The following NRXN3 variants were observed in gnomAD, a reference collection of about 807,000 sequenced individuals.
NRXN3 encodes neurexin III.
Under a neutral mutation model 137.6 loss-of-function variants are expected in NRXN3, and 32 were observed. The observed-to-expected ratio is 0.23, with a 90% CI of 0.18 to 0.31. The LOEUF (loss-of-function observed/expected upper bound fraction) is 0.31, where lower values mean the gene tolerates loss of function less well. Among genes scored for constraint, NRXN3 ranks in the 10% least tolerant of loss-of-function variants. NRXN3 has a pLI of 1.00. For synonymous variants in NRXN3, 798 were observed against 784.5 expected, an observed-to-expected ratio of 1.02 and a Z score of -0.29; for missense variants, 1,574 against 2,062.5, an observed-to-expected ratio of 0.76 and a Z score of 4.59.
At chr14:79,599,548 G>A (rs2153832512) in intron 16 of NRXN3, among the ~76,000 whole-genome samples, 1 of 152,294 alleles carries the variant, frequency 6.6e-6, no homozygotes, top group South Asian at 2.1e-4. Context: ...TTGTATGCAA[G>A]ACTGAGTTGA....
intron 4 of NRXN3, among the ~76,000 whole-genome samples, chr14:78,582,217 CAG>C: frequency 6.6e-6 from 1 of 152,312 alleles, no homozygotes; most frequent in Non-Finnish European, 1.5e-5. Flanking sequence ...ATTCAAGCAG[CAG>C]TCAGTCAGCT....
chr14:78,277,148 A>G (rs531656624), intron 2 of NRXN3, among the ~76,000 whole-genome samples: 1 of 152,340 alleles, frequency 6.6e-6, no homozygotes, highest in African/African-American at 2.4e-5. Flanking sequence ...TCTGGGGCAC[A>G]GCTTAGTTGG....
Position 78,697,657 on chromosome 14 carries a change from A to C in NRXN3, c.1222-11560A>C, listed in dbSNP as rs188413581. The stretch of plus-strand genomic sequence containing the variant: ...TACCATCACCTTGAAAGGGAGTCCC[A>C]AGAAAGGAGGGGACCTTTTGTTGCA... On this transcript the variant is annotated intron_variant, in intron 6 of 20. Transcript: ENST00000335750. Among the ~76,000 whole-genome samples, 131 of 152,152 alleles carry C rather than the reference A, an allele frequency of 8.6e-4. 3 individuals carry two copies. Among genetic ancestry groups the C allele is most frequent in the African/African-American group, 2.9e-3 (121 of 41,492 alleles).
chr14:78,659,714 CAAA>C (rs202186566), intron 6 of NRXN3, among the ~76,000 whole-genome samples: 23 of 104,172 alleles, frequency 2.2e-4, no homozygotes, highest in African/African-American at 3.3e-4. Context: ...TGTGTGAGGA[CAAA>C]AAAAAAAAAA....
chr14:78,987,090 C>T (rs138344661), intron 14 of NRXN3, among the ~76,000 whole-genome samples: 213 of 149,572 alleles, frequency 1.4e-3, no homozygotes, highest in Admixed American at 2.3e-3. Flanking sequence ...TGTAGTGCAA[C>T]GGCTTTCAAA....
At chr14:78,576,067 A>G (rs147307002) in intron 4 of NRXN3, among the ~76,000 whole-genome samples, 2 of 152,356 alleles carry the variant, frequency 1.3e-5, no homozygotes, top group African/African-American at 4.8e-5. Flanking sequence ...TCAATTTGGC[A>G]TGAGGATGGT....
intron 4 of NRXN3, among the ~76,000 whole-genome samples, chr14:78,415,832 G>A (rs2093105568): frequency 6.6e-6 from 1 of 151,972 alleles, no homozygotes; most frequent in South Asian, 2.1e-4. Flanking sequence ...CATGCACCAA[G>A]GAAGGCCATG....
intron 16 of NRXN3, among the ~76,000 whole-genome samples, chr14:79,524,214 G>A (rs879883480): frequency 6.6e-6 from 1 of 152,130 alleles, no homozygotes; most frequent in Non-Finnish European, 1.5e-5. Context: ...GTTTGCAATG[G>A]AAGAAGGAAC....
At chr14:79,452,820 A>T (rs1463293283) in intron 15 of NRXN3, among the ~76,000 whole-genome samples, 1 of 151,630 alleles carries the variant, frequency 6.6e-6, no homozygotes, top group Non-Finnish European at 1.5e-5. Context: ...AGGAAGAAAA[A>T]CAAAGTATAA....
At chr14:79,251,452 C>A (rs748980478) in intron 15 of NRXN3, among the ~76,000 whole-genome samples, 2 of 152,012 alleles carry the variant, frequency 1.3e-5, no homozygotes, top group Admixed American at 6.6e-5. Flanking sequence ...ATTATGATGT[C>A]ATTAACTACA....
chr14:79,509,591 ATATATGTG>A (rs1287233051), intron 16 of NRXN3, among the ~76,000 whole-genome samples: 1 of 151,332 alleles, frequency 6.6e-6, no homozygotes, highest in East Asian at 1.9e-4. Context: ...GTATATATGT[ATATATGTG>A]TATATATGTA....
At chr14:78,889,133 G>T (rs1349716742) in intron 10 of NRXN3, among the ~76,000 whole-genome samples, 2 of 151,874 alleles carry the variant, frequency 1.3e-5, no homozygotes, top group Non-Finnish European at 1.5e-5. Flanking sequence ...TAGTTTAATT[G>T]TTGTCACTTT....
At chr14:78,560,326 C>T (rs1311415011) in intron 4 of NRXN3, among the ~76,000 whole-genome samples, 1 of 152,114 alleles carries the variant, frequency 6.6e-6, no homozygotes, top group African/African-American at 2.4e-5. Flanking sequence ...ACTCATTGTC[C>T]TCTTCAGTAA....
chr14:79,666,025 A>C (rs1182083319), intron 17 of NRXN3, among the ~76,000 whole-genome samples: 2 of 152,102 alleles, frequency 1.3e-5, no homozygotes, highest in East Asian at 3.9e-4. Flanking sequence ...ATCACCTGTG[A>C]GTCTAAAGAC....
rs1221724871 is a variant in NRXN3 at position 78,243,944 on chromosome 14, G to T, written c.709+142G>T. ...GGCCCCTTGCCCTAAGGAGGCAGTGGAAATCCTTTGCCTACTCTTAATGGA... is the reference window on the plus strand; with the variant it reads ...GGCCCCTTGCCCTAAGGAGGCAGTGTAAATCCTTTGCCTACTCTTAATGGA... On this transcript the variant is annotated intron_variant, in intron 2 of 20. Transcript: ENST00000335750. The surrounding 1 kb of genome is among the most constrained non-coding windows in gnomAD (Gnocchi z 4.2). 1.5e-6 allele frequency: 1 copy of T among 647,980 alleles called. No individual in the cohort carries two copies. The highest frequency in any genetic ancestry group is 1.8e-5 in the African/African-American group (1 of 54,826). 40.1% of individuals were successfully genotyped at this position (647,980 alleles called of 1,614,324 possible). A position where few individuals can be genotyped will look rare whatever the true frequency, so the allele number is the denominator to read the frequency against.
intron 16 of NRXN3, among the ~76,000 whole-genome samples, chr14:79,613,837 A>G (rs181648983): frequency 1.3e-5 from 2 of 152,220 alleles, no homozygotes; most frequent in African/African-American, 4.8e-5. Context: ...CAGGAAACAC[A>G]CTAAACCACG....
chr14:79,130,475 ATTCTT>A (rs1302053452), intron 15 of NRXN3, among the ~76,000 whole-genome samples: 1 of 151,920 alleles, frequency 6.6e-6, no homozygotes, highest in Non-Finnish European at 1.5e-5. Flanking sequence ...TGGGTTGAAA[ATTCTT>A]TTCTTTAAGA....
At chr14:78,935,932 T>C (rs187660839) in intron 10 of NRXN3, among the ~76,000 whole-genome samples, 2 of 152,350 alleles carry the variant, frequency 1.3e-5, no homozygotes, top group East Asian at 3.9e-4. Flanking sequence ...TTCACTCTGC[T>C]ATAGAGCATT....
At chr14:79,177,060 TA>T (rs2153112712) in intron 15 of NRXN3, among the ~76,000 whole-genome samples, 1 of 152,336 alleles carries the variant, frequency 6.6e-6, no homozygotes, top group African/African-American at 2.4e-5. Flanking sequence ...AAATATTTTT[TA>T]AGAGTTGTAT....
Sources: gnomAD v4.1 joint callset for allele counts (sites outside exome capture counted in the v4.1 genomes callset) on GRCh38, gnomAD v4.1.1 for gene constraint, Gnocchi (gnomAD v3.1) non-coding constraint, MANE v1.5 for transcripts, NCBI Gene and HGNC (gene_info 2026-07-23, HGNC 2026-07-21) for gene names.